Variants in HDAC9 observed in about 807,000 individuals in gnomAD.
HDAC9 encodes histone deacetylase 9, also known as MEF-2 interacting transcription repressor (MITR) protein.
A neutral mutation model predicts 139.4 loss-of-function variants in HDAC9; 41 were observed. That is an observed-to-expected ratio of 0.29 (90% CI 0.23 to 0.38). HDAC9 has a LOEUF of 0.38. Among genes scored for constraint, HDAC9 ranks in the 10% least tolerant of loss-of-function variants. The pLI is 1.00. For synonymous variants in HDAC9, 517 were observed against 476.2 expected (o/e 1.09, Z -1.12); for missense variants, 1,147 against 1,297.0 (o/e 0.88, Z 1.78).
intron 25 of HDAC9, among the ~76,000 whole-genome samples, chr7:18,990,698 A>G (rs887183786): frequency 6.6e-6 from 1 of 152,192 alleles, no homozygotes; most frequent in East Asian, 1.9e-4. Flanking sequence ...GCAGTCAGCG[A>G]GATTCTGTGG....
intron 22 of HDAC9, among the ~76,000 whole-genome samples, chr7:18,931,329 T>C (rs1049468479): frequency 6.6e-6 from 1 of 152,292 alleles, no homozygotes; most frequent in African/African-American, 2.4e-5. Flanking sequence ...GTGGACAGCC[T>C]CATTCCTAAG....
At chr7:18,252,635 A>G (rs1794987342) in intron 2 of HDAC9, among the ~76,000 whole-genome samples, 2 of 152,206 alleles carry the variant, frequency 1.3e-5, no homozygotes, top group African/African-American at 2.4e-5. Flanking sequence ...AGCCTACTTA[A>G]CACCAAAGCA....
chr7:18,587,021 T>A (rs1829668318), intron 3 of HDAC9, among the ~76,000 whole-genome samples: 1 of 152,152 alleles, frequency 6.6e-6, no homozygotes, highest in East Asian at 1.9e-4. Flanking sequence ...CACCATACTT[T>A]AAGATGTAAG....
intron 2 of HDAC9, among the ~76,000 whole-genome samples, chr7:18,210,628 C>T (rs139863041): frequency 3.9e-5 from 6 of 152,260 alleles, no homozygotes; most frequent in Non-Finnish European, 8.8e-5. Context: ...TGTTTTTAGG[C>T]ACTTGCTATA....
At chr7:18,943,683 G>C (rs139140730) in intron 23 of HDAC9, among the ~76,000 whole-genome samples, 1 of 151,932 alleles carries the variant, frequency 6.6e-6, no homozygotes, top group Non-Finnish European at 1.5e-5. Flanking sequence ...AATAATCTCG[G>C]AGTCTGACTC....
chr7:18,592,032 G>A (rs17139396), intron 5 of HDAC9, among the ~76,000 whole-genome samples: 6,017 of 152,152 alleles, frequency 0.04, 235 homozygotes, highest in African/African-American at 0.11. Context: ...TATCTATATA[G>A]TAATTTCAAA....
chr7:18,533,559 G>A (rs1364038821), intron 2 of HDAC9, among the ~76,000 whole-genome samples: 2 of 151,650 alleles, frequency 1.3e-5, no homozygotes, highest in African/African-American at 4.8e-5. Flanking sequence ...TCTTTCCTTT[G>A]CATTTGGCTT....
At chr7:18,477,995 T>G (rs1795250330) in intron 1 of HDAC9, among the ~76,000 whole-genome samples, 1 of 152,144 alleles carries the variant, frequency 6.6e-6, no homozygotes, top group Admixed American at 6.6e-5. Flanking sequence ...AATACTTTAA[T>G]TGCCCAAGGG....
intron 24 of HDAC9, among the ~76,000 whole-genome samples, chr7:18,954,506 T>C (rs1783017050): frequency 6.6e-6 from 1 of 151,232 alleles, no homozygotes; most frequent in African/African-American, 2.5e-5. Context: ...CCCAGAACCA[T>C]GAAATAAATG....
intron 6 of HDAC9, among the ~76,000 whole-genome samples, chr7:18,613,228 T>C (rs1015689604): frequency 2.0e-5 from 3 of 151,874 alleles, no homozygotes; most frequent in African/African-American, 7.2e-5. Flanking sequence ...ATTAGTTTTG[T>C]CATTTTTTTA....
At chr7:18,653,352 G>A (rs2129043896) in intron 11 of HDAC9, among the ~76,000 whole-genome samples, 2 of 151,900 alleles carry the variant, frequency 1.3e-5, no homozygotes, top group East Asian at 1.9e-4. Flanking sequence ...TACTTCTCTG[G>A]ATTATCTTGT....
intron 24 of HDAC9, among the ~76,000 whole-genome samples, chr7:18,961,258 A>G (rs564229869): frequency 1.3e-5 from 2 of 152,296 alleles, no homozygotes; most frequent in African/African-American, 4.8e-5. Flanking sequence ...TGCAAATCGA[A>G]AGATCACTGT....
chr7:18,901,245 CACATATAT>C (rs1801689915), intron 22 of HDAC9, among the ~76,000 whole-genome samples: 1 of 148,222 alleles, frequency 6.7e-6, no homozygotes, highest in South Asian at 2.1e-4. Context: ...CACACACACA[CACATATAT>C]ACATATACAT....
chr7:18,553,339 C>T lies in HDAC9; in HGVS notation c.23-31942C>T, dbSNP rs143621435. Among the ~76,000 whole-genome samples, 312 of 152,228 alleles carry T rather than the reference C, an allele frequency of 2.0e-3. 1 individual carries two copies. The highest frequency in any genetic ancestry group is 4.1e-3 in the Admixed American group (62 of 15,296). Reference sequence around the variant, plus strand: ...TTAAGAACCCTATGTTTTTAGGGTGCTTTTCCCCCCTCAAGAACACTGTGG... The same window carrying T: ...TTAAGAACCCTATGTTTTTAGGGTGTTTTTCCCCCCTCAAGAACACTGTGG... On this transcript the variant is annotated intron_variant, in intron 2 of 25. Coordinates refer to ENST00000686413, the MANE Select transcript of HDAC9 (RefSeq NM_178425.4).
In HDAC9 at chr7:18,666,341, C is replaced by T. The variant is rs35691757; in HGVS notation, c.1596C>T (p.Ser532=). 0.029 allele frequency: 45,988 copies of T among 1,613,278 alleles called. 1,564 individuals are homozygous for T. The highest frequency in any genetic ancestry group is 0.18 in the Admixed American group (10,523 of 59,962). ...CCTCTAGTGGCAACAGCACTAGGAG[C>T]GACAGCAGTGCTTGTGTGGATGACA... ...RAPSSGNSTR[S]DSSACVDDTL... The change falls in exon 12 of 26, where the codon AGC becomes AGT. Residue 532 remains serine (S), a synonymous_variant. Coordinates refer to ENST00000686413, the MANE Select transcript of HDAC9 (RefSeq NM_178425.4).
chr7:18,371,442 C>A (rs1376454822), intron 1 of HDAC9, among the ~76,000 whole-genome samples: 2 of 152,126 alleles, frequency 1.3e-5, no homozygotes, highest in African/African-American at 4.8e-5. Context: ...GCTGAAATAT[C>A]TTTTTGTGTG....
intron 1 of HDAC9, among the ~76,000 whole-genome samples, chr7:18,396,909 G>A (rs1380913319): frequency 6.6e-6 from 1 of 151,708 alleles, no homozygotes; most frequent in Admixed American, 6.6e-5. Flanking sequence ...TGGTTTACTT[G>A]TTTGTTTGTT....
intron 12 of HDAC9, among the ~76,000 whole-genome samples, chr7:18,693,185 A>G (rs1002218313): frequency 6.6e-6 from 1 of 152,060 alleles, no homozygotes; most frequent in African/African-American, 2.4e-5. Context: ...ACAGAAAACA[A>G]TACACTGAGA....
intron 24 of HDAC9, among the ~76,000 whole-genome samples, chr7:18,969,444 T>C (rs1784107079): frequency 6.6e-6 from 1 of 152,134 alleles, no homozygotes; most frequent in African/African-American, 2.4e-5. Context: ...TCCAATACTC[T>C]CTCAAATAAT....
Sources: allele counts gnomAD v4.1 joint callset (sites outside exome capture counted in the v4.1 genomes callset), GRCh38; gene constraint gnomAD v4.1.1; transcripts MANE v1.5; gene names NCBI Gene and HGNC (gene_info 2026-07-23, HGNC 2026-07-21).